RCOR1: variants seen among roughly 807,000 people sequenced by gnomAD.
RCOR1 encodes REST corepressor 1.
In RCOR1, 12 loss-of-function variants were observed where a neutral mutation model predicts 64.0. That is an observed-to-expected ratio of 0.19 (90% CI 0.12 to 0.30). The LOEUF is 0.30. Among genes scored for constraint, RCOR1 ranks in the 10% least tolerant of loss-of-function variants. RCOR1 has a pLI of 1.00. For missense variants in RCOR1, 502 were observed against 621.2 expected (o/e 0.81, Z 2.04); for synonymous variants, 279 against 227.2 (o/e 1.23, Z -2.05).
In RCOR1 at chr14:102,593,251, C is replaced by G. The variant is rs747308951; in HGVS notation, c.302-15C>G. The G allele has an allele frequency of 3.6e-5, 54 of 1,513,774 alleles. No homozygotes were observed. The highest frequency in any genetic ancestry group is 4.8e-5 in the Non-Finnish European group (54 of 1,135,760). 93.8% of individuals were successfully genotyped at this position (1,513,774 alleles called of 1,614,324 possible). A position where few individuals can be genotyped will look rare whatever the true frequency, so the allele number is the denominator to read the frequency against. ...CCCGCGCCGCGCTGACCGCCGTATT[C>G]TGCTTCCCCCGCAGGTGGCGGTGGC... On this transcript the variant is annotated splice_polypyrimidine_tract_variant and intron_variant, in intron 1 of 11. Transcript: ENST00000262241.
At chr14:102,614,891 G>A (rs1471573179) in intron 2 of RCOR1, among the ~76,000 whole-genome samples, 4 of 151,316 alleles carry the variant, frequency 2.6e-5, no homozygotes, top group Non-Finnish European at 5.9e-5. Flanking sequence ...GAGTGCAGTG[G>A]CGTGATCTCG....
chr14:102,720,267 C>T (rs1391246472), intron 8 of RCOR1, among the ~76,000 whole-genome samples: 1 of 152,166 alleles, frequency 6.6e-6, no homozygotes, highest in African/African-American at 2.4e-5. Context: ...AAATAGCATA[C>T]TTCCGTGACC....
intron 2 of RCOR1, among the ~76,000 whole-genome samples, chr14:102,637,131 A>ATT (rs370969846): frequency 9.5e-4 from 134 of 141,512 alleles, no homozygotes; most frequent in African/African-American, 1.6e-3. Flanking sequence ...TTGTTTTTTT[A>ATT]TTTTTTTTTT....
chr14:102,593,267 T>C lies in RCOR1; in HGVS notation c.303T>C (p.Gly101=), dbSNP rs774165635. ...CGCCGTATTCTGCTTCCCCCGCAGG[T>C]GGCGGTGGCATGAGGGTCGGACCCC... The part of the protein sequence containing the change: ...SSGSSSDEEH[G]GGGMRVGPQY... Residue 101 remains glycine, a splice_region_variant and synonymous_variant, in exon 2 of 12, where the codon GGT becomes GGC. Transcript: ENST00000262241. 6.5e-7 allele frequency: 1 copy of C among 1,531,044 alleles called. No homozygotes were observed. Among genetic ancestry groups the C allele is most frequent in the Non-Finnish European group, 8.7e-7 (1 of 1,144,334 alleles). 94.8% of individuals were successfully genotyped at this position (1,531,044 alleles called of 1,614,324 possible).
intron 3 of RCOR1, among the ~76,000 whole-genome samples, chr14:102,699,331 G>A (rs547717258): frequency 3.5e-4 from 53 of 152,112 alleles, no homozygotes; most frequent in South Asian, 2.1e-4. Flanking sequence ...ATATTAAATC[G>A]GAAATTAGTG....
intron 2 of RCOR1, among the ~76,000 whole-genome samples, chr14:102,613,655 C>T (rs1248058532): frequency 1.7e-4 from 25 of 150,978 alleles, no homozygotes; most frequent in Middle Eastern, 6.8e-3. Context: ...CTCCTGACCT[C>T]GTGATCCGCC....
chr14:102,630,096 G>T (rs754578913), intron 2 of RCOR1: 22 of 606,096 alleles, frequency 3.6e-5, no homozygotes, highest in Non-Finnish European at 4.6e-5. Context: ...GATCTCCAGT[G>T]TTGGAGGTGG....
intron 2 of RCOR1, among the ~76,000 whole-genome samples, chr14:102,615,553 A>G (rs781129855): frequency 6.6e-6 from 1 of 151,044 alleles, no homozygotes; most frequent in African/African-American, 2.4e-5. Flanking sequence ...GATTCAAGCA[A>G]TTCTCCTGCC....
At chr14:102,711,839 A>G (rs1895966825) in intron 7 of RCOR1, among the ~76,000 whole-genome samples, 1 of 152,216 alleles carries the variant, frequency 6.6e-6, no homozygotes, top group Admixed American at 6.5e-5. Context: ...GTGATTTATA[A>G]TATTATCCAT....
At chr14:102,617,967 T>C (rs1395550783) in intron 2 of RCOR1, among the ~76,000 whole-genome samples, 3 of 147,218 alleles carry the variant, frequency 2.0e-5, no homozygotes, top group South Asian at 2.1e-4. Context: ...GTTTCTTTTT[T>C]TTTTCTTTTT....
At chr14:102,674,317 G>C (rs1334802545) in intron 2 of RCOR1, among the ~76,000 whole-genome samples, 4 of 152,088 alleles carry the variant, frequency 2.6e-5, no homozygotes, top group Admixed American at 6.5e-5. Flanking sequence ...TTAAATAACT[G>C]GCTACTAGAG....
At chr14:102,672,744 G>T (rs769287935) in intron 2 of RCOR1, among the ~76,000 whole-genome samples, 1 of 152,222 alleles carries the variant, frequency 6.6e-6, no homozygotes, top group Non-Finnish European at 1.5e-5. Context: ...CAAAAAGTCA[G>T]ATAATAACAA....
At chr14:102,707,741 C>T (rs1895883606) in intron 5 of RCOR1, among the ~76,000 whole-genome samples, 1 of 151,770 alleles carries the variant, frequency 6.6e-6, no homozygotes, top group African/African-American at 2.4e-5. Context: ...GGACCCTCCC[C>T]ACCCACCCCA....
At chr14:102,604,733 T>A (rs182337304) in intron 2 of RCOR1, among the ~76,000 whole-genome samples, 2 of 152,256 alleles carry the variant, frequency 1.3e-5, no homozygotes, top group East Asian at 3.9e-4. Context: ...TTTATAAGTA[T>A]AATCAGAATT....
chr14:102,688,692 C>A (rs1344647669), intron 3 of RCOR1, among the ~76,000 whole-genome samples: 3 of 152,116 alleles, frequency 2.0e-5, no homozygotes, highest in African/African-American at 7.2e-5. Flanking sequence ...CTTTAACATG[C>A]CTGTAAAGAC....
intron 2 of RCOR1, among the ~76,000 whole-genome samples, chr14:102,667,930 G>T (rs1435445994): frequency 6.6e-6 from 1 of 152,182 alleles, no homozygotes; most frequent in African/African-American, 2.4e-5. Context: ...TTTTTGAGTT[G>T]TTCTTGGCTT....
In RCOR1 at chr14:102,726,744, A is replaced by G; in HGVS notation, c.*238A>G. 3.9e-6 allele frequency: 2 copies of G among 516,190 alleles called. No homozygotes were observed. The highest frequency in any genetic ancestry group is 6.7e-6 in the Non-Finnish European group (2 of 296,688). The allele number at this position is 516,190 out of a possible 1,614,324, so 32.0% of individuals were successfully genotyped here. A position where few individuals can be genotyped will look rare whatever the true frequency, so the allele number is the denominator to read the frequency against. ...TCACACTCTGCCCACGTGCTGGGGA[A>G]GTCTCACGGCCTGCACATCTCTTGT... On this transcript the variant is annotated 3_prime_UTR_variant, in exon 12 of 12. Coordinates refer to ENST00000262241, the MANE Select transcript of RCOR1 (RefSeq NM_015156.4).
At chr14:102,625,495 A>G (rs1893962325) in intron 2 of RCOR1, among the ~76,000 whole-genome samples, 1 of 150,496 alleles carries the variant, frequency 6.6e-6, no homozygotes, top group Non-Finnish European at 1.5e-5. Flanking sequence ...TCGGCCTCCC[A>G]AAGTGCTGGG....
At chr14:102,659,462 C>T (rs1894789988) in intron 2 of RCOR1, among the ~76,000 whole-genome samples, 1 of 152,136 alleles carries the variant, frequency 6.6e-6, no homozygotes, top group Non-Finnish European at 1.5e-5. Context: ...GGACAAGGAA[C>T]CAATTCTGGC....
Sources: gnomAD v4.1 joint callset for allele counts (sites outside exome capture counted in the v4.1 genomes callset) on GRCh38, gnomAD v4.1.1 for gene constraint, MANE v1.5 for transcripts, NCBI Gene and HGNC (gene_info 2026-07-23, HGNC 2026-07-21) for gene names.